RAB38: variants seen among roughly 807,000 people sequenced by gnomAD.
RAB38 encodes RAB38, member RAS oncogene family, also known as ras-related protein Rab-38.
In RAB38, 15 loss-of-function variants were observed where a neutral mutation model predicts 18.4. That is an observed-to-expected ratio of 0.82 (90% CI 0.55 to 1.26). The LOEUF (loss-of-function observed/expected upper bound fraction) is 1.26. Ranked by LOEUF, RAB38 falls within the 50% of genes most tolerant of loss-of-function variation. The probability of loss-of-function intolerance (pLI) is 0.00; values close to 1 mark genes in which losing one functional copy is unlikely to be tolerated. For synonymous variants in RAB38, 101 were observed against 104.4 expected (o/e 0.97, Z 0.20); for missense variants, 294 against 267.4 (o/e 1.10, Z -0.69).
intron 1 of RAB38, among the ~76,000 whole-genome samples, chr11:88,153,889 A>G (rs1056275618): frequency 2.0e-5 from 3 of 152,240 alleles, no homozygotes; most frequent in African/African-American, 4.8e-5. Flanking sequence ...AAGATAGTGC[A>G]TAAAGACCAA....
chr11:88,146,251 C>T (rs80002270), intron 2 of RAB38, among the ~76,000 whole-genome samples: 3,342 of 152,206 alleles, frequency 0.022, 121 homozygotes, highest in African/African-American at 0.076. Flanking sequence ...ATGACTAACT[C>T]ATCTAAAATC....
the RAB38 span, among the ~76,000 whole-genome samples, chr11:87,949,488 T>A: frequency 6.6e-6 from 1 of 152,232 alleles, no homozygotes; most frequent in African/African-American, 2.4e-5. Context: ...TGTTAGGGTG[T>A]CAATTTTAGA....
At chr11:87,822,075 A>G in the RAB38 span, among the ~76,000 whole-genome samples, 1 of 152,082 alleles carries the variant, frequency 6.6e-6, no homozygotes, top group Non-Finnish European at 1.5e-5. Flanking sequence ...GAAATAAAAC[A>G]CATTACTTCC....
chr11:87,825,681 A>G, the RAB38 span, among the ~76,000 whole-genome samples: 1 of 152,164 alleles, frequency 6.6e-6, no homozygotes, highest in Non-Finnish European at 1.5e-5. Flanking sequence ...AACTCAGTCT[A>G]TAACAAAGGC....
the RAB38 span, among the ~76,000 whole-genome samples, chr11:88,030,908 G>A: frequency 2.6e-5 from 4 of 151,154 alleles, no homozygotes; most frequent in Admixed American, 6.6e-5. Flanking sequence ...TACCAAAGCG[G>A]GGCAGAGACA....
the RAB38 span, among the ~76,000 whole-genome samples, chr11:88,101,795 A>G: frequency 9.2e-5 from 14 of 151,730 alleles, no homozygotes; most frequent in African/African-American, 3.1e-4. Context: ...AAGTAATAAT[A>G]TACATAATTA....
At chr11:88,119,492 T>A (rs956351341) in intron 2 of RAB38, among the ~76,000 whole-genome samples, 1 of 152,174 alleles carries the variant, frequency 6.6e-6, no homozygotes, top group Non-Finnish European at 1.5e-5. Flanking sequence ...GTGAACTTTC[T>A]GGAAATACAA....
At chr11:88,064,861 T>G in the RAB38 span, among the ~76,000 whole-genome samples, 1 of 152,226 alleles carries the variant, frequency 6.6e-6, no homozygotes, top group Non-Finnish European at 1.5e-5. Context: ...CAAATATTAT[T>G]CTTCTTGCTA....
chr11:87,812,678 A>G, the RAB38 span, among the ~76,000 whole-genome samples: 1 of 152,302 alleles, frequency 6.6e-6, no homozygotes, highest in Non-Finnish European at 1.5e-5. Context: ...ACTGCTCATC[A>G]TGTATCTTCT....
At chr11:88,169,331 T>A (rs1010038666) in intron 1 of RAB38, among the ~76,000 whole-genome samples, 3 of 152,230 alleles carry the variant, frequency 2.0e-5, no homozygotes, top group African/African-American at 7.2e-5. Context: ...TATGCATACA[T>A]TGTTTGTATT....
At chr11:88,031,097 C>T in the RAB38 span, among the ~76,000 whole-genome samples, 1 of 150,972 alleles carries the variant, frequency 6.6e-6, no homozygotes, top group Non-Finnish European at 1.5e-5. Flanking sequence ...TAAATGTAAT[C>T]CAGCATATAA....
At chr11:88,098,456 T>C in the RAB38 span, 1 of 152,000 alleles carries the variant, frequency 6.6e-6, no homozygotes, top group Non-Finnish European at 1.5e-5. Flanking sequence ...TAGCAGGACA[T>C]ATTAGTGGAA....
the RAB38 span, among the ~76,000 whole-genome samples, chr11:88,068,867 G>T: frequency 6.6e-6 from 1 of 152,130 alleles, no homozygotes; most frequent in Non-Finnish European, 1.5e-5. Flanking sequence ...AGCTCTCCTG[G>T]GTATGGTACT....
At chr11:88,068,366 A>G in the RAB38 span, among the ~76,000 whole-genome samples, 1 of 152,168 alleles carries the variant, frequency 6.6e-6, no homozygotes, top group South Asian at 2.1e-4. Flanking sequence ...ACATAGCCTA[A>G]TCTTAGGTAA....
At chr11:87,873,861 GGT>G in the RAB38 span, among the ~76,000 whole-genome samples, 347 of 139,408 alleles carry the variant, frequency 2.5e-3, no homozygotes, top group African/African-American at 8.5e-3. Flanking sequence ...AGTGTATAGG[GGT>G]GTGTGTGTGT....
At chr11:88,074,694 A>G in the RAB38 span, among the ~76,000 whole-genome samples, 103 of 152,326 alleles carry the variant, frequency 6.8e-4, no homozygotes, top group African/African-American at 2.5e-3. Context: ...GGCAGTAACA[A>G]GTTTTACTTA....
chr11:87,939,263 G>A, the RAB38 span, among the ~76,000 whole-genome samples: 5 of 151,858 alleles, frequency 3.3e-5, no homozygotes, highest in South Asian at 2.1e-4. Context: ...CCAGAGTTAT[G>A]GGTAGATAAA....
chr11:88,021,866 A>AAAG, the RAB38 span, among the ~76,000 whole-genome samples: 2 of 150,298 alleles, frequency 1.3e-5, no homozygotes, highest in South Asian at 4.2e-4. Flanking sequence ...AAAAAAAAAA[A>AAAG]AAAGTATTCT....
the RAB38 span, among the ~76,000 whole-genome samples, chr11:88,024,422 T>C: frequency 2.6e-5 from 4 of 152,292 alleles, no homozygotes; most frequent in Admixed American, 1.3e-4. Flanking sequence ...AAGAAACTCA[T>C]ATACTTCTGA....
Sources: allele counts gnomAD v4.1 joint callset (sites outside exome capture counted in the v4.1 genomes callset), GRCh38; gene constraint gnomAD v4.1.1; transcripts MANE v1.5; gene names NCBI Gene and HGNC (gene_info 2026-07-23, HGNC 2026-07-21).